Variants in COPG1 observed in about 807,000 individuals in gnomAD.
COPG1 encodes coat protein complex I subunit gamma 1.
In COPG1, 29 loss-of-function variants were observed where a neutral mutation model predicts 102.8. That is an observed-to-expected ratio of 0.28 (90% CI 0.21 to 0.38). The LOEUF (loss-of-function observed/expected upper bound fraction) is 0.38. Among genes scored for constraint, COPG1 ranks in the 10% least tolerant of loss-of-function variants. The pLI, the probability that COPG1 is intolerant of heterozygous loss-of-function variation, is 1.00. For synonymous variants in COPG1, 406 were observed against 421.6 expected (o/e 0.96, Z 0.45); for missense variants, 875 against 1,132.7 (o/e 0.77, Z 3.27).
At chr3:129,273,654 C>T (rs959125919) in intron 21 of COPG1, among the ~76,000 whole-genome samples, 1 of 152,162 alleles carries the variant, frequency 6.6e-6, no homozygotes, top group Non-Finnish European at 1.5e-5. Flanking sequence ...TCCATATTTT[C>T]ACTATTTATA....
intron 2 of COPG1, chr3:129,250,984 CG>C: frequency 2.8e-6 from 1 of 360,026 alleles, no homozygotes. Flanking sequence ...AGTGCAGTGG[CG>C]TGATCTCGGC....
intron 8 of COPG1, among the ~76,000 whole-genome samples, 165 bp from the exon 9 acceptor site, chr3:129,257,305 C>CTGT (rs903576955): frequency 6.6e-6 from 1 of 152,164 alleles, no homozygotes; most frequent in African/African-American, 2.4e-5. Context: ...GTGTGGAGGG[C>CTGT]TGTGTACACA....
At chr3:129,253,456 G>A (rs1029798701) in intron 5 of COPG1, among the ~76,000 whole-genome samples, 3 of 152,182 alleles carry the variant, frequency 2.0e-5, no homozygotes, top group Admixed American at 6.5e-5. Context: ...TTGTCTGTCA[G>A]TCCCTGTGTG....
In COPG1 at chr3:129,277,532, C is replaced by T; in HGVS notation, c.*108C>T. ...CTTCCCAAGCTTCTGTATTGAAAAA[C>T]AATTAGGAATCATTGCAGATTTTTT... On this transcript the variant is annotated 3_prime_UTR_variant, in exon 24 of 24. Coordinates refer to ENST00000314797, the MANE Select transcript of COPG1 (RefSeq NM_016128.4). 8.7e-7 allele frequency: 1 copy of T among 1,144,186 alleles called. No homozygotes were observed. Among genetic ancestry groups the T allele is most frequent in the Non-Finnish European group, 1.2e-6 (1 of 827,800 alleles). The allele number at this position is 1,144,186 out of a possible 1,614,324, so 70.9% of individuals were successfully genotyped here. A position where few individuals can be genotyped will look rare whatever the true frequency, so the allele number is the denominator to read the frequency against.
chr3:129,265,500 C>G (rs750467801), intron 13 of COPG1, 49 bp from the exon 14 acceptor site: 1 of 1,598,502 alleles, frequency 6.3e-7, no homozygotes, highest in East Asian at 2.2e-5. Context: ...GTCTTCAACT[C>G]TTTTCTGGAG....
At chr3:129,263,740 CCTTCAAG>C (rs62901364) in intron 12 of COPG1, among the ~76,000 whole-genome samples, 157 bp from the exon 13 acceptor site, 16,924 of 151,906 alleles carry the variant, frequency 0.11, 2,602 homozygotes, top group African/African-American at 0.35. Flanking sequence ...GGGATTGTGC[CCTTCAAG>C]CTTCAAGCGT....
chr3:129,262,914 G>C (rs895265898), intron 12 of COPG1, among the ~76,000 whole-genome samples: 1 of 151,770 alleles, frequency 6.6e-6, no homozygotes, highest in African/African-American at 2.4e-5. Context: ...CAGCCACTCC[G>C]GAGGCTGAGG....
chr3:129,260,794 C>T lies in COPG1; in HGVS notation c.1115C>T (p.Ser372Leu), dbSNP rs761935637. 76 of 1,612,122 alleles carry T rather than the reference C, an allele frequency of 4.7e-5. No individual in the cohort carries two copies. The highest frequency in any genetic ancestry group is 3.3e-5 in the Admixed American group (2 of 59,958). The part of the protein sequence containing the change: ...KQISSFMSEI[S>L]DEFKVVVVQA... The stretch of plus-strand genomic sequence containing the variant: ...ATCTCCTCCTTCATGTCAGAAATCT[C>T]GGATGAATTCAAGGTACCTGCTACC... The change falls in exon 12 of 24, where the codon TCG becomes TTG. Residue 372 changes from serine (S) to leucine (L), a missense_variant. By Grantham distance (145) the Ser-to-Leu change is moderately radical (BLOSUM62 -2). Coordinates refer to ENST00000314797, the MANE Select transcript of COPG1 (RefSeq NM_016128.4).
rs957644685 is a variant in COPG1 at position 129,252,924 on chromosome 3, A to G, written c.292A>G (p.Ile98Val). Residue 98 changes from isoleucine to valine, a missense_variant, in exon 5 of 24, where the codon ATT (isoleucine) becomes GTT (valine). Coordinates refer to ENST00000314797, the MANE Select transcript of COPG1 (RefSeq NM_016128.4). ...CTTGACCATCAAGGAGATGTCTTGC[A>G]TTGCAGAGGATGTCATCATTGTCAC... Reference protein sequence around the residue: ...CYLTIKEMSCIAEDVIIVTSS... With the variant: ...CYLTIKEMSCVAEDVIIVTSS... The G allele has an allele frequency of 6.2e-7, 1 of 1,614,160 alleles. No homozygotes were observed. Among genetic ancestry groups the G allele is most frequent in the South Asian group, 1.1e-5 (1 of 91,074 alleles).
intron 10 of COPG1, 25 bp downstream of exon 10, chr3:129,257,885 C>A: frequency 6.2e-7 from 1 of 1,609,242 alleles, no homozygotes; most frequent in South Asian, 1.1e-5. Flanking sequence ...CTTCACCCAG[C>A]CTCACATGTT....
Position 129,275,043 on chromosome 3 carries a change from C to T in COPG1, c.2395+67C>T. 1.3e-6 allele frequency: 2 copies of T among 1,571,420 alleles called. No homozygotes were observed. The highest frequency in any genetic ancestry group is 1.7e-6 in the Non-Finnish European group (2 of 1,144,670). ...AAGATCTTTGGCTACTATTGAAGTG[C>T]TCATCCCTTTTCTCTCCAAGGATCC... On this transcript the variant is annotated intron_variant, in intron 22 of 23. Transcript: ENST00000314797. The surrounding 1 kb of genome is among the most constrained non-coding windows in gnomAD (Gnocchi z 5.0).
chr3:129,277,422 TAA>T lies in COPG1; in HGVS notation c.2624_2625del (p.Ter875=). The T allele has an allele frequency of 6.2e-7, 1 of 1,613,654 alleles. No individual in the cohort carries two copies. Among genetic ancestry groups the T allele is most frequent in the Non-Finnish European group, 8.5e-7 (1 of 1,179,784 alleles). On this transcript the variant is annotated frameshift_variant and stop_lost, in exon 24 of 24. Transcript: ENST00000314797. LOFTEE classifies it high-confidence loss of function. Reference protein sequence around the residue: ...PVDIILASVG* With the variant: ...PVDIILASVGX ...AGACATCATCTTGGCATCTGTGGGA[TAA>T]GAGGCCAGCCTGCATAGGACCTCAT...
In COPG1 at chr3:129,274,830, C is replaced by G. The variant is rs200461154; in HGVS notation, c.2257-8C>G. On this transcript the variant is annotated splice_region_variant and splice_polypyrimidine_tract_variant and intron_variant, in intron 21 of 23. Transcript: ENST00000314797. ...ATGGGTGCCTGATTTCTACCTCCATCTCTCCAGCTGGAAGATCTGGAAGTT... is the reference window on the plus strand; with the variant it reads ...ATGGGTGCCTGATTTCTACCTCCATGTCTCCAGCTGGAAGATCTGGAAGTT... The G allele has an allele frequency of 6.2e-7, 1 of 1,607,442 alleles. No homozygotes were observed. The highest frequency in any genetic ancestry group is 8.5e-7 in the Non-Finnish European group (1 of 1,176,108).
intron 6 of COPG1, 70 bp from the exon 7 acceptor site, chr3:129,254,915 C>T: frequency 2.2e-6 from 3 of 1,336,636 alleles, no homozygotes; most frequent in South Asian, 1.2e-5. Context: ...TCTCTGCCCC[C>T]ATTCCTGCAC....
chr3:129,270,526 A>G (rs945459690), intron 18 of COPG1, among the ~76,000 whole-genome samples: 1 of 152,214 alleles, frequency 6.6e-6, no homozygotes, highest in Non-Finnish European at 1.5e-5. Context: ...ATAAATATCA[A>G]TAGAAAAGCA....
At chr3:129,265,997 G>A (rs1470552432) in intron 14 of COPG1, among the ~76,000 whole-genome samples, 12 of 151,560 alleles carry the variant, frequency 7.9e-5, no homozygotes, top group African/African-American at 2.9e-4. Flanking sequence ...TTTTGAGATG[G>A]AATCTCGCTC....
In COPG1 at chr3:129,256,946, C is replaced by A. The variant is rs571372256; in HGVS notation, c.580-524C>A. Among the ~76,000 whole-genome samples, 7 of 152,362 alleles carry A rather than the reference C, an allele frequency of 4.6e-5. No individual in the cohort carries two copies. The South Asian group carries it at 1.4e-3, about 32-fold the overall frequency. ...CCTCACATCTTTAGAAAGGGAGTCT[C>A]TGGGCTTCTGGCCCTCCAGGCCTAG... On this transcript the variant is annotated intron_variant, in intron 8 of 23. Transcript: ENST00000314797.
chr3:129,266,390 A>C (rs1005296874), intron 14 of COPG1, among the ~76,000 whole-genome samples: 2 of 151,938 alleles, frequency 1.3e-5, no homozygotes, highest in African/African-American at 4.8e-5. Flanking sequence ...CAGTCTCTGA[A>C]AGTGCTGGGA....
intron 6 of COPG1, 48 bp downstream of exon 6, chr3:129,254,791 C>A: frequency 6.6e-7 from 1 of 1,525,924 alleles, no homozygotes; most frequent in Non-Finnish European, 9.1e-7. Context: ...TGATTGAGGC[C>A]TCGGCATCAT....
Sources: allele counts gnomAD v4.1 joint callset (sites outside exome capture counted in the v4.1 genomes callset), GRCh38; gene constraint gnomAD v4.1.1; non-coding constraint Gnocchi (gnomAD v3.1); transcripts MANE v1.5; gene names NCBI Gene and HGNC (gene_info 2026-07-23, HGNC 2026-07-21).